The following FGF10 variants were observed in gnomAD, a reference collection of about 807,000 sequenced individuals.
FGF10 encodes the protein FGF-10.
FGF10 carries 2 observed loss-of-function variants against 19.8 expected under a neutral mutation model. That is an observed-to-expected ratio of 0.10 (90% CI 0.04 to 0.32). The LOEUF (loss-of-function observed/expected upper bound fraction) is 0.32. FGF10 is among the 10% of genes least tolerant of loss of function. The pLI, the probability that FGF10 is intolerant of heterozygous loss-of-function variation, is 1.00. For missense variants in FGF10, 191 were observed against 246.3 expected, an observed-to-expected ratio of 0.78 and a Z score of 1.50; for synonymous variants, 112 against 94.0, an observed-to-expected ratio of 1.19 and a Z score of -1.10.
chr5:44,334,247 C>A (rs1055693973), intron 1 of FGF10, among the ~76,000 whole-genome samples: 1 of 152,050 alleles, frequency 6.6e-6, no homozygotes, highest in African/African-American at 2.4e-5. Flanking sequence ...GGCCTTGTAT[C>A]CGTTCCTGTT....
intron 1 of FGF10, among the ~76,000 whole-genome samples, chr5:44,348,205 T>C (rs557164644): frequency 2.0e-5 from 3 of 151,758 alleles, no homozygotes; most frequent in Admixed American, 1.3e-4. Flanking sequence ...TTCTGAAAAG[T>C]TGTGCATATA....
chr5:44,322,860 G>A (rs2111732496), intron 1 of FGF10, among the ~76,000 whole-genome samples: 1 of 151,750 alleles, frequency 6.6e-6, no homozygotes, highest in South Asian at 2.1e-4. Context: ...ATATTACAAT[G>A]TAATAATAAT....
intron 1 of FGF10, among the ~76,000 whole-genome samples, chr5:44,318,918 T>C (rs553774046): frequency 6.6e-6 from 1 of 152,324 alleles, no homozygotes; most frequent in African/African-American, 2.4e-5. Context: ...GTTCAGATCA[T>C]TTAAGGCTTG....
At chr5:44,322,977 C>T (rs1740533005) in intron 1 of FGF10, among the ~76,000 whole-genome samples, 1 of 151,994 alleles carries the variant, frequency 6.6e-6, no homozygotes, top group African/African-American at 2.4e-5. Context: ...GTCCCTGGTG[C>T]CAAAAAAGTT....
At chr5:44,381,711 G>T (rs913430209) in intron 1 of FGF10, among the ~76,000 whole-genome samples, 2 of 152,200 alleles carry the variant, frequency 1.3e-5, no homozygotes, top group Admixed American at 1.3e-4. Flanking sequence ...TATCAGTAAA[G>T]CATGTTAACA....
chr5:44,380,594 TA>T (rs1285585543), intron 1 of FGF10, among the ~76,000 whole-genome samples: 1 of 152,236 alleles, frequency 6.6e-6, no homozygotes, highest in East Asian at 1.9e-4. Context: ...AGAAGCTTGA[TA>T]ATCTAAGTGC....
intron 1 of FGF10, among the ~76,000 whole-genome samples, chr5:44,362,359 C>T (rs1561214706): frequency 6.6e-6 from 1 of 151,682 alleles, no homozygotes. Flanking sequence ...GCTCCAAACA[C>T]TCAGACCTAG....
chr5:44,337,644 T>C (rs1327826250), intron 1 of FGF10, among the ~76,000 whole-genome samples: 1 of 152,120 alleles, frequency 6.6e-6, no homozygotes, highest in Non-Finnish European at 1.5e-5. Flanking sequence ...GATTTGGACA[T>C]TAAAAAGCAT....
intron 2 of FGF10, among the ~76,000 whole-genome samples, chr5:44,310,017 A>G (rs1740171829): frequency 6.6e-6 from 1 of 152,192 alleles, no homozygotes; most frequent in African/African-American, 2.4e-5. Flanking sequence ...AACAAAATGC[A>G]AAACATCTGA....
chr5:44,359,589 A>G (rs894259067), intron 1 of FGF10, among the ~76,000 whole-genome samples: 6 of 151,650 alleles, frequency 4.0e-5, no homozygotes, highest in Admixed American at 4.0e-4. Flanking sequence ...GGGTAACTTC[A>G]GTAAATTGGC....
In FGF10 at chr5:44,388,604, G is replaced by A. The variant is rs1325781485; in HGVS notation, c.79C>T (p.Leu27=). Residue 27 remains leucine (L), a synonymous_variant, in exon 1 of 3, where the codon CTG becomes TTG. Transcript: ENST00000264664. ...PGCCCCCFLL[L]FLVSSVPVTC... ...ACAGGGACGGAAGACACCAAGAACA[G>A]CAACAAAAAGCAGCAGCAGCAGCAG... The A allele has an allele frequency of 6.2e-7, 1 of 1,614,100 alleles. No homozygotes were observed. The highest frequency in any genetic ancestry group is 1.1e-5 in the South Asian group (1 of 91,068).
At chr5:44,333,220 T>G (rs1740776586) in intron 1 of FGF10, among the ~76,000 whole-genome samples, 1 of 152,170 alleles carries the variant, frequency 6.6e-6, no homozygotes, top group Non-Finnish European at 1.5e-5. Context: ...CTTTTGTGTA[T>G]TTTATTACAG....
intron 1 of FGF10, among the ~76,000 whole-genome samples, chr5:44,362,365 C>A (rs577546245): frequency 6.6e-6 from 1 of 151,646 alleles, no homozygotes; most frequent in Non-Finnish European, 1.5e-5. Flanking sequence ...AACACTCAGA[C>A]CTAGGCAGGG....
intron 1 of FGF10, among the ~76,000 whole-genome samples, chr5:44,335,342 A>G (rs1310193189): frequency 2.0e-5 from 3 of 152,060 alleles, no homozygotes; most frequent in Non-Finnish European, 4.4e-5. Flanking sequence ...TCCTTTTTGT[A>G]TCAAGTTAAA....
chr5:44,325,424 A>T (rs1298433793), intron 1 of FGF10, among the ~76,000 whole-genome samples: 1 of 152,074 alleles, frequency 6.6e-6, no homozygotes, highest in East Asian at 1.9e-4. Context: ...TGCTATAAAG[A>T]CACATGCACA....
chr5:44,364,115 T>G (rs1741551430), intron 1 of FGF10, among the ~76,000 whole-genome samples: 1 of 151,888 alleles, frequency 6.6e-6, no homozygotes, highest in Admixed American at 6.6e-5. Flanking sequence ...AGTTACATTT[T>G]CTTCTTTTGA....
chr5:44,326,544 A>T (rs1221646367), intron 1 of FGF10, among the ~76,000 whole-genome samples: 1 of 151,624 alleles, frequency 6.6e-6, no homozygotes, highest in East Asian at 1.9e-4. Context: ...GACTACAGGC[A>T]CAAACCACCA....
chr5:44,352,226 C>T lies in FGF10; in HGVS notation c.325+36132G>A, dbSNP rs140936555. 3.0e-3 allele frequency among the ~76,000 whole-genome samples: 457 copies of T among 151,618 alleles called. 6 individuals are homozygous for T. Among genetic ancestry groups the T allele is most frequent in the African/African-American group, 9.6e-3 (396 of 41,444 alleles). On this transcript the variant is annotated intron_variant, in intron 1 of 2. Transcript: ENST00000264664. Reference sequence around the variant, plus strand: ...GCAGGGTGAGGATTTGAGGGACTTTCGATGCAATTCTTTGATTGAAATCTT... The same window carrying T: ...GCAGGGTGAGGATTTGAGGGACTTTTGATGCAATTCTTTGATTGAAATCTT...
intron 1 of FGF10, among the ~76,000 whole-genome samples, chr5:44,385,832 A>G (rs2111931284): frequency 6.6e-6 from 1 of 152,290 alleles, no homozygotes; most frequent in South Asian, 2.1e-4. Context: ...TGGAAATCGT[A>G]GCAGCATTTA....
Sources: gnomAD v4.1 joint callset for allele counts (sites outside exome capture counted in the v4.1 genomes callset) on GRCh38, gnomAD v4.1.1 for gene constraint, MANE v1.5 for transcripts, NCBI Gene and HGNC (gene_info 2026-07-23, HGNC 2026-07-21) for gene names.